The following UBE2QL1 variants were observed in gnomAD, a reference collection of about 807,000 sequenced individuals.
UBE2QL1 encodes the protein ubiquitin-conjugating enzyme E2Q-like protein 1.
In UBE2QL1, 5 loss-of-function variants were observed where a neutral mutation model predicts 12.6. That is an observed-to-expected ratio of 0.40 (90% CI 0.21 to 0.83). The LOEUF (loss-of-function observed/expected upper bound fraction) is 0.83. Among genes scored for constraint, UBE2QL1 ranks in the 40% least tolerant of loss-of-function variants. The probability of loss-of-function intolerance (pLI) is 0.37; values close to 1 mark genes in which losing one functional copy is unlikely to be tolerated. For missense variants in UBE2QL1, 99 were observed against 222.6 expected (o/e 0.44, Z 3.53); for synonymous variants, 96 against 94.5 (o/e 1.02, Z -0.10).
At chr5:6,457,819 C>A (rs563519567) in intron 1 of UBE2QL1, among the ~76,000 whole-genome samples, 92 of 152,328 alleles carry the variant, frequency 6.0e-4, no homozygotes, top group Admixed American at 2.3e-3. Context: ...TTCCTCATGG[C>A]ACATATGGAT....
At chr5:6,472,103 C>G (rs1739923805) in intron 1 of UBE2QL1, among the ~76,000 whole-genome samples, 1 of 152,180 alleles carries the variant, frequency 6.6e-6, no homozygotes, top group Admixed American at 6.5e-5. Flanking sequence ...GTGCCTTGCT[C>G]TGAATCTTAG....
At chr5:6,477,371 G>A (rs1734258072) in intron 1 of UBE2QL1, among the ~76,000 whole-genome samples, 1 of 151,476 alleles carries the variant, frequency 6.6e-6, no homozygotes, top group African/African-American at 2.5e-5. Flanking sequence ...GTGCGTGGAG[G>A]TCAGCCTGCT....
At position 6,449,197 on chromosome 5, in the gene UBE2QL1, A is replaced by G; in HGVS notation, c.304A>G (p.Thr102Ala). 2 of 1,493,372 alleles carry G rather than the reference A, an allele frequency of 1.3e-6. No homozygotes were observed. The highest frequency in any genetic ancestry group is 1.3e-5 in the South Asian group (1 of 79,556). 92.5% of individuals were successfully genotyped at this position (1,493,372 alleles called of 1,614,324 possible). ...GCCGCGCGGCTGGTCCAGCGCCTAC[A>G]CCGTGGAGGCCGTCATGCGCCAGTT... ...LTPRGWSSAY[T>A]VEAVMRQFAA... The change falls in exon 1 of 2, where the codon ACC (threonine) becomes GCC (alanine). Residue 102 changes from threonine (T) to alanine (A), a missense_variant. Thr to Ala is a moderately conservative substitution (Grantham distance 58). Transcript: ENST00000399816.
chr5:6,471,438 CAT>C (rs1398855648), intron 1 of UBE2QL1, among the ~76,000 whole-genome samples: 1 of 152,196 alleles, frequency 6.6e-6, no homozygotes, highest in Non-Finnish European at 1.5e-5. Flanking sequence ...CATGAGCACT[CAT>C]GTGCTGGCAG....
Position 6,476,852 on chromosome 5 carries a change from C to G in UBE2QL1, c.355-14366C>G, listed in dbSNP as rs920226214. 1.4e-4 allele frequency among the ~76,000 whole-genome samples: 21 copies of G among 152,174 alleles called. No homozygotes were observed. Among genetic ancestry groups the G allele is most frequent in the African/African-American group, 4.8e-4 (20 of 41,448 alleles). ...GCCACCAATAATGATTTGCCATTCA[C>G]AAGGACAGGAGTGGCCCCCTCTTGG... On this transcript the variant is annotated intron_variant, in intron 1 of 1. Coordinates refer to ENST00000399816, the MANE Select transcript of UBE2QL1 (RefSeq NM_001145161.3). This position sits in a 1 kb window ranked among gnomAD's most constrained non-coding sequence, Gnocchi z 4.9.
At chr5:6,456,676 C>T (rs553830717) in intron 1 of UBE2QL1, among the ~76,000 whole-genome samples, 7 of 152,286 alleles carry the variant, frequency 4.6e-5, no homozygotes, top group South Asian at 2.1e-4. Context: ...TTCTGCGTAA[C>T]GTCTGCGACC....
chr5:6,488,661 G>A (rs1465507848), intron 1 of UBE2QL1, among the ~76,000 whole-genome samples: 1 of 152,010 alleles, frequency 6.6e-6, no homozygotes, highest in Non-Finnish European at 1.5e-5. Context: ...CTGGCTGTAT[G>A]TGGTGATGCA....
intron 1 of UBE2QL1, among the ~76,000 whole-genome samples, chr5:6,459,764 A>G (rs999490719): frequency 6.6e-6 from 1 of 152,232 alleles, no homozygotes; most frequent in Non-Finnish European, 1.5e-5. Flanking sequence ...ATCTACAACA[A>G]TATCACAACT....
intron 1 of UBE2QL1, among the ~76,000 whole-genome samples, chr5:6,475,827 C>A (rs563950626): frequency 6.6e-6 from 1 of 151,998 alleles, no homozygotes; most frequent in Non-Finnish European, 1.5e-5. Context: ...CTGGAGAGGA[C>A]CCCGCCCACA....
intron 1 of UBE2QL1, among the ~76,000 whole-genome samples, chr5:6,466,037 C>A (rs1221647291): frequency 6.6e-6 from 1 of 152,150 alleles, no homozygotes; most frequent in Non-Finnish European, 1.5e-5. Flanking sequence ...TCCCTTCCTG[C>A]CCCTCCCTCT....
chr5:6,496,411 A>C lies in UBE2QL1; in HGVS notation c.*5062A>C, dbSNP rs1268927612. On this transcript the variant is annotated 3_prime_UTR_variant, in exon 2 of 2. Transcript: ENST00000399816. ...CTTCTCTACAACGTGACTTCATTTC[A>C]TGAATGTGGTTGCCATTATGACAGT... Among the ~76,000 whole-genome samples the C allele has an allele frequency of 6.6e-6, 1 of 152,152 alleles. No individual in the cohort carries two copies. Among genetic ancestry groups the C allele is most frequent in the Admixed American group, 6.5e-5 (1 of 15,276 alleles).
chr5:6,479,027 A>G lies in UBE2QL1; in HGVS notation c.355-12191A>G, dbSNP rs1005842477. ...TGCCTGCCCTGGGGGCGTCCCTTCT[A>G]TCGTGTGCAGCATCAGGAGTCTGTT... On this transcript the variant is annotated intron_variant, in intron 1 of 1. Transcript: ENST00000399816. The surrounding 1 kb of genome is among the most constrained non-coding windows in gnomAD (Gnocchi z 4.2). 1.3e-5 allele frequency among the ~76,000 whole-genome samples: 2 copies of G among 151,960 alleles called. No individual in the cohort carries two copies. Among genetic ancestry groups the G allele is most frequent in the Non-Finnish European group, 2.9e-5 (2 of 67,968 alleles).
intron 1 of UBE2QL1, among the ~76,000 whole-genome samples, chr5:6,454,354 G>C (rs1224332595): frequency 6.6e-6 from 1 of 152,122 alleles, no homozygotes; most frequent in African/African-American, 2.4e-5. Flanking sequence ...TTCCTTCTGT[G>C]TGTGTCTGTG....
chr5:6,462,526 T>G (rs1739695360), intron 1 of UBE2QL1, among the ~76,000 whole-genome samples: 1 of 152,202 alleles, frequency 6.6e-6, no homozygotes, highest in Non-Finnish European at 1.5e-5. Flanking sequence ...CTCCTCCTGC[T>G]CCTGCTTAGT....
chr5:6,461,542 C>CT (rs776890108), intron 1 of UBE2QL1, among the ~76,000 whole-genome samples: 3 of 86,428 alleles, frequency 3.5e-5, no homozygotes, highest in East Asian at 3.3e-4. Context: ...CAGCACCCAC[C>CT]ACCCCCCCCC....
intron 1 of UBE2QL1, among the ~76,000 whole-genome samples, chr5:6,449,662 A>G (rs918995044): frequency 5.0e-5 from 3 of 60,020 alleles, no homozygotes; most frequent in African/African-American, 1.3e-4. Flanking sequence ...CTGTCCCCCC[A>G]TCTATTCCCA....
At chr5:6,449,868 A>AACC (rs1739376273) in intron 1 of UBE2QL1, among the ~76,000 whole-genome samples, 6 of 117,120 alleles carry the variant, frequency 5.1e-5, no homozygotes, top group South Asian at 2.8e-4. Flanking sequence ...CACCTCCCCA[A>AACC]CCCCCCCCAC....
rs914907662 is a variant in UBE2QL1 at position 6,494,644 on chromosome 5, G to A, written c.*3295G>A. ...TCAACGAAATGTAAGTGTCATTTTC[G>A]TAGTATTAGGACGTTTACATTACAG... On this transcript the variant is annotated 3_prime_UTR_variant, in exon 2 of 2. Transcript: ENST00000399816. 3.9e-5 allele frequency: 6 copies of A among 152,280 alleles called. No homozygotes were observed. The highest frequency in any genetic ancestry group is 4.1e-4 in the South Asian group (2 of 4,828). 9.4% of individuals were successfully genotyped at this position (152,280 alleles called of 1,614,324 possible).
intron 1 of UBE2QL1, among the ~76,000 whole-genome samples, chr5:6,477,533 G>A (rs149791738): frequency 5.3e-5 from 8 of 152,328 alleles, no homozygotes; most frequent in Non-Finnish European, 1.2e-4. Flanking sequence ...TAAGGAAATG[G>A]TTGACTAGAA....
Sources: allele counts gnomAD v4.1 joint callset (sites outside exome capture counted in the v4.1 genomes callset), GRCh38; gene constraint gnomAD v4.1.1; non-coding constraint Gnocchi (gnomAD v3.1); transcripts MANE v1.5; gene names NCBI Gene and HGNC (gene_info 2026-07-23, HGNC 2026-07-21).